Variants in MMEL1 observed in about 807,000 individuals in gnomAD.
The protein encoded by MMEL1 is membrane metalloendopeptidase like 1.
In MMEL1, 98 loss-of-function variants were observed where a neutral mutation model predicts 117.1. The observed-to-expected ratio is 0.84, with a 90% CI of 0.71 to 0.99. MMEL1 has a LOEUF of 0.99. Ranked by LOEUF, MMEL1 falls within the 50% of genes least tolerant of loss-of-function variation. The pLI is 0.00. For missense variants in MMEL1, 1,014 were observed against 1,049.1 expected, an observed-to-expected ratio of 0.97 and a Z score of 0.46; for synonymous variants, 390 against 415.1, an observed-to-expected ratio of 0.94 and a Z score of 0.74.
rs1305537060 is a variant in MMEL1, at chr1:2,595,436, C to T, written c.1501-77G>A. On this transcript the variant is annotated intron_variant, in intron 15 of 23. Transcript: ENST00000378412. The surrounding 1 kb of genome is among the most constrained non-coding windows in gnomAD (Gnocchi z 4.8). ...AGCCCGGGGGCCGGTCAGTGAGTGCCACACTGTGGGAGGGGTCAGCCCGGG... is the reference window on the plus strand; with the variant it reads ...AGCCCGGGGGCCGGTCAGTGAGTGCTACACTGTGGGAGGGGTCAGCCCGGG... The T allele has an allele frequency of 1.5e-6, 2 of 1,313,272 alleles. No homozygotes were observed. The highest frequency in any genetic ancestry group is 2.3e-5 in the East Asian group (1 of 43,436). 81.4% of individuals were successfully genotyped at this position (1,313,272 alleles called of 1,614,324 possible). A position where few individuals can be genotyped will look rare whatever the true frequency, so the allele number is the denominator to read the frequency against.
At position 2,592,601 on chromosome 1, in the gene MMEL1, C is replaced by T. The variant is rs1257597369; in HGVS notation, c.2067+54G>A. On this transcript the variant is annotated intron_variant, in intron 21 of 23. Transcript: ENST00000378412. ...TGCACTGGCACCCCCTCCCCTGCCG[C>T]GCTGACGCCCCCTCCCCTGCCGCGC... 7 of 768,218 alleles carry T rather than the reference C, an allele frequency of 9.1e-6. 1 individual carries two copies. In the African/African-American group the frequency reaches 3.6e-4, roughly 39 times the overall value. 47.6% of individuals were successfully genotyped at this position (768,218 alleles called of 1,614,324 possible). A position where few individuals can be genotyped will look rare whatever the true frequency, so the allele number is the denominator to read the frequency against.
intron 2 of MMEL1, among the ~76,000 whole-genome samples, chr1:2,617,310 C>G (rs935891571): frequency 8.6e-5 from 13 of 151,800 alleles, no homozygotes; most frequent in Non-Finnish European, 7.4e-5. Context: ...GCCTGTAGTC[C>G]CAGCTACTCG....
chr1:2,594,371 G>C lies in MMEL1; in HGVS notation c.1747+14C>G, dbSNP rs772803345. The C allele has an allele frequency of 2.6e-6, 4 of 1,551,768 alleles. No individual in the cohort carries two copies. Among genetic ancestry groups the C allele is most frequent in the Admixed American group, 2.0e-5 (1 of 51,004 alleles). The stretch of plus-strand genomic sequence containing the variant: ...CCAAAGGGCCTGGGCAGGCAGGGAG[G>C]GGGAGGAACTTACCAATCTGGTTTC... On this transcript the variant is annotated intron_variant, in intron 18 of 23. Transcript: ENST00000378412.
Position 2,632,992 on chromosome 1 carries a change from G to C in MMEL1, c.-164C>G, listed in dbSNP as rs1638660603. ...CAGGGACTGGGATGGGAGAGCAGTG[G>C]CTTGGGGCTGAGTTGAGGCTGCCTG... On this transcript the variant is annotated 5_prime_UTR_variant, in exon 1 of 24. Transcript: ENST00000378412. The C allele has an allele frequency of 2.0e-6, 2 of 985,862 alleles. No homozygotes were observed. The highest frequency in any genetic ancestry group is 2.4e-6 in the Non-Finnish European group (2 of 830,358). The allele number at this position is 985,862 out of a possible 1,614,324, so 61.1% of individuals were successfully genotyped here. A position where few individuals can be genotyped will look rare whatever the true frequency, so the allele number is the denominator to read the frequency against.
intron 17 of MMEL1, 60 bp from the exon 18 acceptor site, chr1:2,594,503 T>C: frequency 6.5e-7 from 1 of 1,532,824 alleles, no homozygotes; most frequent in East Asian, 2.4e-5. Context: ...CTCTGGGCTC[T>C]CTCTGCCTTG....
Position 2,611,339 on chromosome 1 carries a change from C to T in MMEL1, c.234G>A (p.Gly78=), listed in dbSNP as rs201188524. ...CGCTCACCTCTTGGGCCTCTGGGAT[C>T]CCTGCGGGCAAGGAGCAGCCTGAGC... is the stretch of plus-strand genomic sequence containing the variant. The part of the protein sequence containing the change: ...ERTFVKRKPR[G]IPEAQEVSEV... Residue 78 remains glycine (G), a splice_region_variant and synonymous_variant, in exon 4 of 24, where the codon GGG becomes GGA. Transcript: ENST00000378412. The T allele has an allele frequency of 3.0e-5, 46 of 1,536,012 alleles. No homozygotes were observed. Among genetic ancestry groups the T allele is most frequent in the Non-Finnish European group, 4.0e-5 (46 of 1,142,006 alleles).
chr1:2,624,475 G>A (rs1414882827), intron 2 of MMEL1, among the ~76,000 whole-genome samples: 2 of 152,182 alleles, frequency 1.3e-5, no homozygotes, highest in African/African-American at 2.4e-5. Flanking sequence ...TTAGGAAACC[G>A]TCCTGCATAT....
At chr1:2,609,192 C>T (rs1007580219) in intron 6 of MMEL1, 147 bp downstream of exon 6, 89 of 763,812 alleles carry the variant, frequency 1.2e-4, no homozygotes, top group Non-Finnish European at 1.8e-4. Flanking sequence ...GAGCGGGACA[C>T]AGCACATAGA....
chr1:2,624,436 G>A (rs1557558854), intron 2 of MMEL1, among the ~76,000 whole-genome samples: 1 of 152,208 alleles, frequency 6.6e-6, no homozygotes, highest in South Asian at 2.1e-4. Flanking sequence ...ACGCACTGAT[G>A]GAAGAGGAGG....
At position 2,604,135 on chromosome 1, in the gene MMEL1, C is replaced by CCCCCCCCAAACATT; in HGVS notation, c.951+11_951+12insAATGTTTGGGGGGG. 3.3e-6 allele frequency: 5 copies of CCCCCCCCAAACATT among 1,520,150 alleles called. No homozygotes were observed. Among genetic ancestry groups the CCCCCCCCAAACATT allele is most frequent in the Non-Finnish European group, 4.5e-6 (5 of 1,100,344 alleles). The allele number at this position is 1,520,150 out of a possible 1,614,324, so 94.2% of individuals were successfully genotyped here. ...CTCGCTGCCCGCTCCCCACCCGCCC[C>CCCCCCCCAAACATT]GGCCCCCTTACCTTGGCCAGCTGTG... is the stretch of plus-strand genomic sequence containing the variant. On this transcript the variant is annotated intron_variant, in intron 10 of 23. Coordinates refer to ENST00000378412, the MANE Select transcript of MMEL1 (RefSeq NM_033467.4).
At position 2,606,376 on chromosome 1, in the gene MMEL1, C is replaced by T. The variant is rs748733609; in HGVS notation, c.632-10G>A. 13 of 1,606,852 alleles carry T rather than the reference C, an allele frequency of 8.1e-6. No individual in the cohort carries two copies. The South Asian group carries it at 1.4e-4, about 18-fold the overall frequency. ...AGCTCCCACTCGAGTCCTGGGGAGA[C>T]AGTGCCCCGCACTGGAGACTGGCGG... On this transcript the variant is annotated splice_polypyrimidine_tract_variant and intron_variant, in intron 7 of 23. Transcript: ENST00000378412.
At chr1:2,631,094 T>C (rs994748468) in intron 1 of MMEL1, among the ~76,000 whole-genome samples, 10 of 152,224 alleles carry the variant, frequency 6.6e-5, no homozygotes, top group South Asian at 2.1e-4. Flanking sequence ...TCTGTGTGTG[T>C]GTGCACATAT....
rs765397037 is a variant in MMEL1 at position 2,604,194 on chromosome 1, G to A, written c.904C>T (p.Gln302Ter). 5 of 1,611,384 alleles carry A rather than the reference G, an allele frequency of 3.1e-6. No homozygotes were observed. Among genetic ancestry groups the A allele is most frequent in the Non-Finnish European group, 4.2e-6 (5 of 1,179,526 alleles). The change falls in exon 10 of 24, where the codon CAG becomes TAG. Residue 302 changes from glutamine (Q) to a stop codon, truncating the protein, a stop_gained. Transcript: ENST00000378412. LOFTEE classifies it high-confidence loss of function. ...TCCAGCACCTGCACCATGTCCTCCT[G>A]CACCAGGCAGCTGTCCCTGGGCAGG... ...ANLPRDSCLV[Q>*]EDMVQVLELE...
chr1:2,598,515 A>G (rs1644882298), intron 12 of MMEL1, 139 bp downstream of exon 12: 1 of 1,408,384 alleles, frequency 7.1e-7, no homozygotes, highest in Non-Finnish European at 9.6e-7. Flanking sequence ...TGGCCACTAA[A>G]GCTTAACCCC....
intron 2 of MMEL1, among the ~76,000 whole-genome samples, chr1:2,628,252 C>A (rs1047777391): frequency 2.6e-5 from 4 of 152,192 alleles, no homozygotes; most frequent in African/African-American, 9.7e-5. Flanking sequence ...GCGGTCTGGG[C>A]AGCAGCCACA....
In MMEL1 at chr1:2,605,547, G is replaced by A. The variant is rs760972482; in HGVS notation, c.816+11C>T. The A allele has an allele frequency of 6.8e-6, 11 of 1,610,828 alleles. No homozygotes were observed. The highest frequency in any genetic ancestry group is 9.3e-6 in the Non-Finnish European group (11 of 1,178,038). Reference sequence around the variant, plus strand: ...GGGGGTCATCTGGCATTGCGGTGAGGACCCACCCACCTTCCGGTTGCTGCC... The same window carrying A: ...GGGGGTCATCTGGCATTGCGGTGAGAACCCACCCACCTTCCGGTTGCTGCC... On this transcript the variant is annotated intron_variant, in intron 9 of 23. Transcript: ENST00000378412.
chr1:2,592,087 G>A, intron 21 of MMEL1, 60 bp from the exon 22 acceptor site: 1 of 1,426,274 alleles, frequency 7.0e-7, no homozygotes, highest in Non-Finnish European at 9.8e-7. Flanking sequence ...AGAACCCTCA[G>A]ATCTCAGGGC....
At chr1:2,608,659 C>T (rs372869918) in intron 6 of MMEL1, among the ~76,000 whole-genome samples, 5 of 152,022 alleles carry the variant, frequency 3.3e-5, no homozygotes, top group African/African-American at 7.2e-5. Context: ...GCACACACAA[C>T]ACACCCATAG....
intron 4 of MMEL1, 98 bp downstream of exon 4, chr1:2,611,183 G>C (rs1645120459): frequency 2.4e-6 from 3 of 1,232,710 alleles, no homozygotes; most frequent in African/African-American, 1.5e-5. Context: ...CCGTGTCTTG[G>C]AGTTGCTTCC....
Sources: allele counts gnomAD v4.1 joint callset (sites outside exome capture counted in the v4.1 genomes callset), GRCh38; gene constraint gnomAD v4.1.1; non-coding constraint Gnocchi (gnomAD v3.1); transcripts MANE v1.5; gene names NCBI Gene and HGNC (gene_info 2026-07-23, HGNC 2026-07-21).